DOP1B: variants seen among roughly 807,000 people sequenced by gnomAD.
DOP1B encodes the protein DOP1 leucine zipper like protein B, also known as protein DOP1B.
DOP1B carries 174 observed loss-of-function variants against 233.5 expected under a neutral mutation model. The ratio of observed to expected loss-of-function variants is 0.75; its 90% CI spans 0.66 to 0.85. The LOEUF (loss-of-function observed/expected upper bound fraction) is 0.85, where lower values mean the gene tolerates loss of function less well. DOP1B is among the 40% of genes least tolerant of loss of function. The pLI is 0.00. For missense variants in DOP1B, 2,652 were observed against 2,846.6 expected, an observed-to-expected ratio of 0.93 and a Z score of 1.56; for synonymous variants, 1,190 against 1,185.6, an observed-to-expected ratio of 1.00 and a Z score of -0.08.
At chr21:36,200,712 G>C (rs929269412) in intron 4 of DOP1B, among the ~76,000 whole-genome samples, 5 of 152,036 alleles carry the variant, frequency 3.3e-5, no homozygotes, top group African/African-American at 1.2e-4. Flanking sequence ...GCATGGTGGC[G>C]GGCGTCTGTA....
chr21:36,268,032 G>A (rs554275894), intron 26 of DOP1B, among the ~76,000 whole-genome samples: 1 of 152,284 alleles, frequency 6.6e-6, no homozygotes, highest in East Asian at 1.9e-4. Context: ...TGCACGTATT[G>A]TCTTGATAAA....
intron 4 of DOP1B, among the ~76,000 whole-genome samples, chr21:36,206,429 C>T (rs1202741221): frequency 6.6e-6 from 1 of 151,532 alleles, no homozygotes; most frequent in Non-Finnish European, 1.5e-5. Flanking sequence ...TACTCAGAGG[C>T]TGAGGCAGGA....
chr21:36,286,344 A>G (rs1032608979), intron 32 of DOP1B, among the ~76,000 whole-genome samples: 2 of 152,094 alleles, frequency 1.3e-5, no homozygotes, highest in Non-Finnish European at 2.9e-5. Context: ...CACAAAAAAG[A>G]AAGGTCAAAG....
chr21:36,280,405 C>T, intron 31 of DOP1B, 59 bp downstream of exon 31: 3 of 1,255,332 alleles, frequency 2.4e-6, no homozygotes, highest in South Asian at 1.3e-5. Context: ...CCAATATAAC[C>T]AGCTTTCATC....
intron 4 of DOP1B, among the ~76,000 whole-genome samples, chr21:36,208,228 T>A (rs1436592207): frequency 2.0e-5 from 3 of 152,226 alleles, no homozygotes; most frequent in Non-Finnish European, 2.9e-5. Flanking sequence ...CAGATGTCAC[T>A]TGGCACATTT....
intron 23 of DOP1B, among the ~76,000 whole-genome samples, chr21:36,258,686 C>G (rs529469964): frequency 6.6e-6 from 1 of 152,140 alleles, no homozygotes; most frequent in Non-Finnish European, 1.5e-5. Context: ...CAGTGTTAAT[C>G]GACAATGCTC....
intron 24 of DOP1B, chr21:36,261,235 T>C: frequency 1.2e-6 from 1 of 861,438 alleles, no homozygotes; most frequent in Non-Finnish European, 1.4e-6. Flanking sequence ...CATGGTGGCG[T>C]GCGCCTGTAA....
chr21:36,263,237 C>CAAAAAAA, intron 24 of DOP1B, among the ~76,000 whole-genome samples: 1 of 102,970 alleles, frequency 9.7e-6, no homozygotes, highest in Non-Finnish European at 1.9e-5. Context: ...TCCGTCTCAC[C>CAAAAAAA]AAAAAAAAAA....
chr21:36,236,948 C>T (rs1001992398), intron 15 of DOP1B, among the ~76,000 whole-genome samples: 1 of 151,888 alleles, frequency 6.6e-6, no homozygotes, highest in Non-Finnish European at 1.5e-5. Flanking sequence ...CCACACCTGG[C>T]TAATTTTTGT....
intron 2 of DOP1B, among the ~76,000 whole-genome samples, chr21:36,185,777 A>G (rs1411142381): frequency 6.6e-6 from 1 of 152,248 alleles, no homozygotes. Flanking sequence ...GTTAGTGGCA[A>G]GACAGAGTGG....
In DOP1B at chr21:36,261,210, C is replaced by CA. The variant is rs1469392403; in HGVS notation, c.5315+483dup. The CA allele has an allele frequency of 1.2e-5, 10 of 861,878 alleles. No individual in the cohort carries two copies. In the African/African-American group the frequency reaches 1.7e-4, roughly 14 times the overall value. The allele number at this position is 861,878 out of a possible 1,614,324, so 53.4% of individuals were successfully genotyped here. On this transcript the variant is annotated intron_variant, in intron 24 of 36. Coordinates refer to ENST00000691173, the MANE Select transcript of DOP1B (RefSeq NM_001320714.2). ...TGAAACCCTATCTCTACTAAAAATA[C>CA]AAAAATTAGTCCGGCATGGTGGCGT...
chr21:36,176,099 T>C (rs865862305), intron 2 of DOP1B, among the ~76,000 whole-genome samples: 1 of 96,126 alleles, frequency 1.0e-5, no homozygotes, highest in African/African-American at 4.0e-5. Flanking sequence ...TGTGTGTGCG[T>C]GTGTGTGTGT....
intron 29 of DOP1B, 32 bp from the exon 30 acceptor site, chr21:36,278,177 C>T (rs562528596): frequency 6.2e-7 from 1 of 1,613,556 alleles, no homozygotes; most frequent in South Asian, 1.1e-5. Flanking sequence ...AGTCCTTGAC[C>T]TTGACCCTTC....
At chr21:36,283,686 C>T (rs1395512422) in intron 32 of DOP1B, among the ~76,000 whole-genome samples, 1 of 152,110 alleles carries the variant, frequency 6.6e-6, no homozygotes, top group Non-Finnish European at 1.5e-5. Context: ...TGGCTAAATG[C>T]AAGGTCAGAG....
chr21:36,233,040 T>C lies in DOP1B; in HGVS notation c.2587T>C (p.Leu863=), dbSNP rs1601432953. The C allele has an allele frequency of 2.5e-6, 4 of 1,614,076 alleles. No individual in the cohort carries two copies. Among genetic ancestry groups the C allele is most frequent in the African/African-American group, 1.3e-5 (1 of 75,030 alleles). ...VTVPPIAPGI[L]KVIAEKTDFY... ...GGTTCCTCCCATTGCTCCAGGGATATTGAAAGTCATTGCAGAGAAAACAGA... is the reference window on the plus strand; with the variant it reads ...GGTTCCTCCCATTGCTCCAGGGATACTGAAAGTCATTGCAGAGAAAACAGA... Residue 863 remains leucine (L), a synonymous_variant, in exon 15 of 37, where the codon TTG becomes CTG. Transcript: ENST00000691173.
chr21:36,203,129 A>T (rs1364863594), intron 4 of DOP1B, among the ~76,000 whole-genome samples: 1 of 152,238 alleles, frequency 6.6e-6, no homozygotes, highest in African/African-American at 2.4e-5. Context: ...AAGTTGCTTA[A>T]CATTGATTTT....
At chr21:36,254,030 G>T in intron 23 of DOP1B, 121 bp downstream of exon 23, 1 of 1,303,138 alleles carries the variant, frequency 7.7e-7, no homozygotes, top group Non-Finnish European at 1.0e-6. Flanking sequence ...TAGTGGGAAT[G>T]CTTGGGGTAG....
At chr21:36,212,891 C>T (rs2066516176) in intron 7 of DOP1B, among the ~76,000 whole-genome samples, 1 of 152,184 alleles carries the variant, frequency 6.6e-6, no homozygotes, top group African/African-American at 2.4e-5. Context: ...GAGTGGTTCT[C>T]CTGCCTCAGC....
intron 36 of DOP1B, among the ~76,000 whole-genome samples, chr21:36,292,669 T>C (rs1467132322): frequency 6.7e-6 from 1 of 148,344 alleles, no homozygotes; most frequent in East Asian, 2.1e-4. Context: ...TGGAGTGCAA[T>C]GGCAGGATCT....
Sources: gnomAD v4.1 joint callset for allele counts (sites outside exome capture counted in the v4.1 genomes callset) on GRCh38, gnomAD v4.1.1 for gene constraint, MANE v1.5 for transcripts, NCBI Gene and HGNC (gene_info 2026-07-23, HGNC 2026-07-21) for gene names.